Variants in CPLANE1 observed in about 807,000 individuals in gnomAD.
The protein encoded by CPLANE1 is ciliogenesis and planar polarity effector 1.
In CPLANE1, 263 loss-of-function variants were observed where a neutral mutation model predicts 362.5. The observed-to-expected ratio is 0.73, with a 90% CI of 0.66 to 0.80. CPLANE1 has a LOEUF of 0.80. Ranked by LOEUF, CPLANE1 falls within the 30% of genes least tolerant of loss-of-function variation. The pLI is 0.00. For synonymous variants in CPLANE1, 1,212 were observed against 1,302.6 expected (o/e 0.93, Z 1.50); for missense variants, 3,461 against 3,793.4 (o/e 0.91, Z 2.30).
chr5:37,187,863 T>C (rs369344463), intron 21 of CPLANE1, 21 bp from the exon 22 acceptor site: 9 of 1,562,234 alleles, frequency 5.8e-6, no homozygotes, highest in Non-Finnish European at 7.0e-6. Flanking sequence ...AACACAAATA[T>C]GAAAGAAAAT....
At chr5:37,189,162 T>C (rs1784803598) in intron 21 of CPLANE1, among the ~76,000 whole-genome samples, 2 of 152,222 alleles carry the variant, frequency 1.3e-5, no homozygotes. Context: ...AAGCCTTATT[T>C]TTACAATAAA....
chr5:37,121,881 G>GTT (rs772486105), intron 48 of CPLANE1, 97 bp from the exon 49 acceptor site: 8,791 of 707,430 alleles, frequency 0.012, no homozygotes, highest in Middle Eastern at 0.019. Flanking sequence ...GCATGTTCTG[G>GTT]TTTTTTTTTT....
rs559662609 is a variant in CPLANE1, at chr5:37,189,922, C to T, written c.3812-2080G>A. On this transcript the variant is annotated intron_variant, in intron 21 of 52. Coordinates refer to ENST00000651892, the MANE Select transcript of CPLANE1 (RefSeq NM_001384732.1). ...GCTGAGGCAGAAGAATCACTTGAAC[C>T]GGGGAGGTGGAGATTGCAGTGAGCT... 2.4e-3 allele frequency among the ~76,000 whole-genome samples: 358 copies of T among 151,670 alleles called. 1 individual carries two copies. The highest frequency in any genetic ancestry group is 4.4e-3 in the Non-Finnish European group (296 of 67,936).
chr5:37,201,366 C>T (rs964102541), intron 19 of CPLANE1, among the ~76,000 whole-genome samples: 5 of 152,048 alleles, frequency 3.3e-5, no homozygotes, highest in Non-Finnish European at 7.4e-5. Context: ...CACAAAAATG[C>T]CATGAGAGGT....
chr5:37,136,485 G>A (rs1767746182), intron 46 of CPLANE1, among the ~76,000 whole-genome samples: 1 of 152,192 alleles, frequency 6.6e-6, no homozygotes, highest in Admixed American at 6.5e-5. Context: ...GGCACATGGT[G>A]CAAGCTGTCG....
At chr5:37,168,483 G>C (rs955621133) in intron 34 of CPLANE1, among the ~76,000 whole-genome samples, 3 of 151,470 alleles carry the variant, frequency 2.0e-5, no homozygotes, top group African/African-American at 7.3e-5. Flanking sequence ...TTGATAGAAA[G>C]ACCTAAAACC....
intron 36 of CPLANE1, among the ~76,000 whole-genome samples, chr5:37,165,116 T>C (rs1336573945): frequency 6.6e-6 from 1 of 151,954 alleles, no homozygotes; most frequent in African/African-American, 2.4e-5. Context: ...TAAAAAATAA[T>C]AATAAATTAA....
At chr5:37,105,066 C>T (rs1757490490), downstream of CPLANE1, among the ~76,000 whole-genome samples, 1 of 152,100 alleles carries the variant, frequency 6.6e-6, no homozygotes, top group Admixed American at 6.5e-5. Context: ...TTTTGGGAGG[C>T]CAAGGCGGGA....
At chr5:37,195,389 T>C (rs888608702) in intron 21 of CPLANE1, among the ~76,000 whole-genome samples, 2 of 152,110 alleles carry the variant, frequency 1.3e-5, no homozygotes, top group Non-Finnish European at 2.9e-5. Context: ...CTGCTTGAGC[T>C]GAGGAGTTCA....
intron 11 of CPLANE1, 54 bp from the exon 12 acceptor site, chr5:37,227,127 T>G (rs1324692667): frequency 1.3e-6 from 2 of 1,504,380 alleles, no homozygotes; most frequent in Non-Finnish European, 1.8e-6. Flanking sequence ...ACCTTATCAA[T>G]AGCATCACTT....
At chr5:37,227,142 G>T (rs541136877) in intron 11 of CPLANE1, 69 bp from the exon 12 acceptor site, 142 of 1,501,506 alleles carry the variant, frequency 9.5e-5, no homozygotes, top group Admixed American at 1.8e-4. Flanking sequence ...TCACTTTGGC[G>T]TTCTTAAATT....
chr5:37,160,608 A>G (rs985053738), intron 38 of CPLANE1, among the ~76,000 whole-genome samples: 1 of 151,916 alleles, frequency 6.6e-6, no homozygotes, highest in Admixed American at 6.6e-5. Flanking sequence ...GTCATCATTT[A>G]TATCAAAACC....
At chr5:37,085,127 C>A in the CPLANE1 span, 2 of 751,712 alleles carry the variant, frequency 2.7e-6, no homozygotes, top group Admixed American at 1.8e-5. Flanking sequence ...ATAAATTGAC[C>A]AGTGTGTTTG....
At chr5:37,216,513 C>T (rs549811230) in intron 15 of CPLANE1, among the ~76,000 whole-genome samples, 118 of 152,352 alleles carry the variant, frequency 7.7e-4, no homozygotes, top group Non-Finnish European at 1.3e-3. Context: ...CACGCCACTG[C>T]ACTCCAGCCT....
intron 36 of CPLANE1, among the ~76,000 whole-genome samples, chr5:37,164,972 G>A (rs1288726085): frequency 6.6e-6 from 1 of 152,058 alleles, no homozygotes; most frequent in Non-Finnish European, 1.5e-5. Context: ...TGGGCATGGT[G>A]GCACACACCT....
chr5:37,204,680 T>C (rs1790178218), intron 18 of CPLANE1, among the ~76,000 whole-genome samples: 1 of 150,694 alleles, frequency 6.6e-6, no homozygotes, highest in Admixed American at 6.6e-5. Context: ...GTCTCTGGGG[T>C]GGCCTTGCTC....
chr5:37,223,688 C>G (rs575063731), intron 14 of CPLANE1, among the ~76,000 whole-genome samples: 2 of 152,278 alleles, frequency 1.3e-5, no homozygotes, highest in South Asian at 2.1e-4. Context: ...AAAAACTCCT[C>G]GAAGCCCATA....
chr5:37,188,601 CA>C (rs1329334514), intron 21 of CPLANE1, among the ~76,000 whole-genome samples: 1 of 152,134 alleles, frequency 6.6e-6, no homozygotes, highest in Non-Finnish European at 1.5e-5. Flanking sequence ...CTATGGAAAA[CA>C]GTGTGAAGAT....
At chr5:37,232,789 A>G (rs1414629287) in intron 8 of CPLANE1, among the ~76,000 whole-genome samples, 5 of 143,352 alleles carry the variant, frequency 3.5e-5, no homozygotes, top group Non-Finnish European at 7.6e-5. Context: ...GCAGTGAGCT[A>G]TGATCACGCC....
Sources: allele counts gnomAD v4.1 joint callset (sites outside exome capture counted in the v4.1 genomes callset), GRCh38; gene constraint gnomAD v4.1.1; transcripts MANE v1.5; gene names NCBI Gene and HGNC (gene_info 2026-07-23, HGNC 2026-07-21).